The following AIG1 variants were observed in gnomAD, a reference collection of about 807,000 sequenced individuals.
The protein encoded by AIG1 is androgen-induced gene 1 protein.
Under a neutral mutation model 31.4 loss-of-function variants are expected in AIG1, and 23 were observed. That is an observed-to-expected ratio of 0.73 (90% confidence interval 0.53 to 1.04). The LOEUF (loss-of-function observed/expected upper bound fraction) is 1.04. Among genes scored for constraint, AIG1 ranks in the 50% least tolerant of loss-of-function variants. The probability of loss-of-function intolerance (pLI) is 0.00; values close to 1 mark genes in which losing one functional copy is unlikely to be tolerated. For missense variants in AIG1, 274 were observed against 295.0 expected (o/e 0.93, Z 0.52); for synonymous variants, 100 against 110.5 (o/e 0.90, Z 0.60).
At position 143,060,909 on chromosome 6, in the gene AIG1, C is replaced by T; in HGVS notation, c.-17C>T. 1 of 1,592,270 alleles carries T rather than the reference C, an allele frequency of 6.3e-7. No homozygotes were observed. Among genetic ancestry groups the T allele is most frequent in the Non-Finnish European group, 8.5e-7 (1 of 1,171,232 alleles). On this transcript the variant is annotated 5_prime_UTR_variant, in exon 1 of 6. Transcript: ENST00000357847. ...CCGCCCTCCTTGCCGCCCAGCCGGT[C>T]CAGGCCTCTGGCGAACATGGCGCTT...
At chr6:143,285,264 A>G (rs1797605664) in intron 4 of AIG1, among the ~76,000 whole-genome samples, 1 of 151,628 alleles carries the variant, frequency 6.6e-6, no homozygotes, top group East Asian at 2.0e-4. Flanking sequence ...TGCTTCAGGA[A>G]GTCACACCCT....
At chr6:143,189,514 A>G (rs767972560) in intron 3 of AIG1, 46 of 985,338 alleles carry the variant, frequency 4.7e-5, no homozygotes, top group Non-Finnish European at 5.4e-5. Context: ...TGAGTGTCAT[A>G]TGCTAAGTTA....
intron 4 of AIG1, among the ~76,000 whole-genome samples, chr6:143,313,449 G>A (rs191064114): frequency 6.6e-6 from 1 of 152,244 alleles, no homozygotes; most frequent in African/African-American, 2.4e-5. Flanking sequence ...AATAAGCCAG[G>A]CGCGGAAAGA....
chr6:143,264,415 A>T (rs1796013301), intron 3 of AIG1, among the ~76,000 whole-genome samples: 1 of 152,098 alleles, frequency 6.6e-6, no homozygotes, highest in East Asian at 1.9e-4. Context: ...CAAGGCCCCA[A>T]ATTCTCTTTT....
At position 143,284,101 on chromosome 6, in the gene AIG1, A is replaced by G. The variant is rs946208697; in HGVS notation, c.400-9A>G. The G allele has an allele frequency of 1.2e-6, 2 of 1,603,182 alleles. No homozygotes were observed. ...CAATCTGTGTCACCTAGTCTCTGTTATTTTCCAGCACACGACGGTTCTGCC... is the reference window on the plus strand; with the variant it reads ...CAATCTGTGTCACCTAGTCTCTGTTGTTTTCCAGCACACGACGGTTCTGCC... On this transcript the variant is annotated splice_polypyrimidine_tract_variant and intron_variant, in intron 3 of 5. Coordinates refer to ENST00000357847, the MANE Select transcript of AIG1 (RefSeq NM_016108.4). The surrounding 1 kb of genome is among the most constrained non-coding windows in gnomAD (Gnocchi z 4.4).
intron 1 of AIG1, among the ~76,000 whole-genome samples, chr6:143,110,301 T>A (rs1157009985): frequency 6.6e-6 from 1 of 152,256 alleles, no homozygotes; most frequent in Non-Finnish European, 1.5e-5. Context: ...TTTTTTATTC[T>A]TGAGCTTTTG....
At chr6:143,262,750 T>A (rs956486576) in intron 3 of AIG1, among the ~76,000 whole-genome samples, 1 of 152,110 alleles carries the variant, frequency 6.6e-6, no homozygotes, top group Admixed American at 6.6e-5. Flanking sequence ...AAAAGACTTA[T>A]GTTATCTAGT....
At position 143,293,059 on chromosome 6, in the gene AIG1, G is replaced by T. The variant is rs1229585487; in HGVS notation, c.515+8834G>T. ...TTGTTACCACCTTTAAAATGGGAAA[G>T]AATGCCTGCCTCACAGAGTTGTGAG... On this transcript the variant is annotated intron_variant, in intron 4 of 5. Transcript: ENST00000357847. The surrounding 1 kb of genome is among the most constrained non-coding windows in gnomAD (Gnocchi z 4.8). Among the ~76,000 whole-genome samples, 2 of 152,166 alleles carry T rather than the reference G, an allele frequency of 1.3e-5. No homozygotes were observed. Among genetic ancestry groups the T allele is most frequent in the Non-Finnish European group, 2.9e-5 (2 of 68,034 alleles).
chr6:143,277,223 G>T (rs554988569), intron 3 of AIG1, among the ~76,000 whole-genome samples: 1 of 152,116 alleles, frequency 6.6e-6, no homozygotes, highest in Non-Finnish European at 1.5e-5. Context: ...TTCTATGGGG[G>T]GGTGAGAGGA....
chr6:143,210,324 G>A (rs2128614734), intron 3 of AIG1, among the ~76,000 whole-genome samples: 1 of 152,288 alleles, frequency 6.6e-6, no homozygotes, highest in East Asian at 1.9e-4. Flanking sequence ...AGCAGCATGA[G>A]AATGGACTAA....
intron 3 of AIG1, among the ~76,000 whole-genome samples, chr6:143,241,489 A>G (rs541752385): frequency 1.6e-4 from 24 of 152,356 alleles, no homozygotes; most frequent in African/African-American, 5.0e-4. Context: ...AGCTAGGGAA[A>G]GAGTTCATTT....
intron 3 of AIG1, among the ~76,000 whole-genome samples, chr6:143,208,132 G>T (rs1791271715): frequency 6.6e-6 from 1 of 152,160 alleles, no homozygotes; most frequent in South Asian, 2.1e-4. Context: ...ATGTTCCAGT[G>T]TGCCTTGGTG....
chr6:143,064,455 A>G (rs553159552), intron 1 of AIG1, among the ~76,000 whole-genome samples: 3 of 152,348 alleles, frequency 2.0e-5, no homozygotes, highest in South Asian at 2.1e-4. Context: ...TTCCAGGAAC[A>G]CATACCTGCT....
At chr6:143,188,602 T>G in intron 3 of AIG1, 1 of 985,296 alleles carries the variant, frequency 1.0e-6, no homozygotes, top group East Asian at 1.1e-4. Context: ...TCTATTCTCT[T>G]ATGCCAGCTC....
chr6:143,343,657 CTAT>C (rs1777901435), downstream of AIG1, among the ~76,000 whole-genome samples: 1 of 152,100 alleles, frequency 6.6e-6, no homozygotes, highest in African/African-American at 2.4e-5. Flanking sequence ...AATGCCCTCA[CTAT>C]ATTTTCTCAA....
chr6:143,246,333 A>G (rs1366216368), intron 3 of AIG1, among the ~76,000 whole-genome samples: 1 of 152,216 alleles, frequency 6.6e-6, no homozygotes, highest in East Asian at 1.9e-4. Flanking sequence ...CCTCACAATC[A>G]TCGTGGAAGG....
chr6:143,333,194 T>G lies in AIG1; in HGVS notation c.516-88T>G. ...GGCAAATGCTGAAGCATGGGGAGAGTGAGGGAGTGTATATTTGCATCATAG... is the reference window on the plus strand; with the variant it reads ...GGCAAATGCTGAAGCATGGGGAGAGGGAGGGAGTGTATATTTGCATCATAG... On this transcript the variant is annotated intron_variant, in intron 4 of 5. Transcript: ENST00000357847. This position sits in a 1 kb window ranked among gnomAD's most constrained non-coding sequence, Gnocchi z 4.6. 5 of 1,300,386 alleles carry G rather than the reference T, an allele frequency of 3.8e-6. No individual in the cohort carries two copies. Among genetic ancestry groups the G allele is most frequent in the South Asian group, 1.9e-5 (1 of 53,364 alleles). The allele number at this position is 1,300,386 out of a possible 1,614,324, so 80.6% of individuals were successfully genotyped here. A position where few individuals can be genotyped will look rare whatever the true frequency, so the allele number is the denominator to read the frequency against.
chr6:143,196,350 A>AACACACACACACACACAC (rs71784011), intron 3 of AIG1, among the ~76,000 whole-genome samples: 3 of 141,634 alleles, frequency 2.1e-5, no homozygotes, highest in Non-Finnish European at 3.1e-5. Context: ...CAACAAAAGC[A>AACACACACACACACACAC]ACACACACAC....
intron 3 of AIG1, among the ~76,000 whole-genome samples, chr6:143,266,701 T>G (rs1286737031): frequency 1.3e-5 from 2 of 151,254 alleles, no homozygotes; most frequent in Non-Finnish European, 2.9e-5. Context: ...CCCAGTGCTT[T>G]GGGAGGCCAA....
Sources: gnomAD v4.1 joint callset for allele counts (sites outside exome capture counted in the v4.1 genomes callset) on GRCh38, gnomAD v4.1.1 for gene constraint, Gnocchi (gnomAD v3.1) non-coding constraint, MANE v1.5 for transcripts, NCBI Gene and HGNC (gene_info 2026-07-23, HGNC 2026-07-21) for gene names.